The following TSR2 variants were observed in gnomAD, a reference collection of about 807,000 sequenced individuals.
TSR2 encodes the protein TSR2 ribosome maturation factor.
TSR2 carries 1 observed loss-of-function variant against 13.3 expected under a neutral mutation model. The ratio of observed to expected loss-of-function variants is 0.08; its 90% CI spans 0.03 to 0.36. TSR2 has a LOEUF of 0.36. TSR2 is among the 10% of genes least tolerant of loss of function. The probability of loss-of-function intolerance (pLI) is 0.99; values close to 1 mark genes in which losing one functional copy is unlikely to be tolerated. For synonymous variants in TSR2, 60 were observed against 57.7 expected (o/e 1.04, Z -0.18); for missense variants, 120 against 151.1 (o/e 0.79, Z 1.08).
chrX:54,446,474 G>C lies in TSR2; in HGVS notation c.*1924G>C. On this transcript the variant is annotated 3_prime_UTR_variant, in exon 5 of 5. Transcript: ENST00000375151. Reference sequence around the variant, plus strand: ...GGGGCTAGACCTTTCCCCCGCCCCAGCTTCTAACTGGTTTTGCATATGCTC... The same window carrying C: ...GGGGCTAGACCTTTCCCCCGCCCCACCTTCTAACTGGTTTTGCATATGCTC... The C allele has an allele frequency of 9.2e-7, 1 of 1,084,300 alleles. No individual in the cohort carries two copies. The allele number at this position is 1,084,300 out of a possible 1,213,427, so 89.4% of individuals were successfully genotyped here.
At chrX:54,444,322 C>A (rs1010557816) in intron 4 of TSR2, 94 bp from the exon 5 acceptor site, 2 of 1,143,796 alleles carry the variant, frequency 1.7e-6, no homozygotes, top group Non-Finnish European at 2.3e-6. Context: ...AGGGAACTTT[C>A]CTAAAGTTAC....
intron 1 of TSR2, 46 bp downstream of exon 1, chrX:54,440,548 G>A (rs1921888625): frequency 3.5e-6 from 4 of 1,139,610 alleles, no homozygotes; most frequent in Non-Finnish European, 4.7e-6. Context: ...AGGGCCCGGG[G>A]CAGAACAGGA....
chrX:54,446,375 C>T lies in TSR2; in HGVS notation c.*1825C>T, dbSNP rs1277082142. The T allele has an allele frequency of 3.3e-6, 4 of 1,209,443 alleles. No individual in the cohort carries two copies. The highest frequency in any genetic ancestry group is 2.2e-5 in the Admixed American group (1 of 45,774). ...TCCCCTGCCTCGGGCGGTCCCACCT[C>T]GAAGCCAATGAGGGGCAGGCTGCGC... On this transcript the variant is annotated 3_prime_UTR_variant, in exon 5 of 5. Coordinates refer to ENST00000375151, the MANE Select transcript of TSR2 (RefSeq NM_058163.3).
At position 54,442,263 on chromosome X, in the gene TSR2, A is replaced by G. The variant is rs189839327; in HGVS notation, c.173-1137A>G. On this transcript the variant is annotated intron_variant, in intron 2 of 4. Coordinates refer to ENST00000375151, the MANE Select transcript of TSR2 (RefSeq NM_058163.3). Reference sequence around the variant, plus strand: ...AAACTGATGAGGCCTGAAGTAGGACAGTGGCAACAGGCATGGAAAAGAAGG... The same window carrying G: ...AAACTGATGAGGCCTGAAGTAGGACGGTGGCAACAGGCATGGAAAAGAAGG... Among the ~76,000 whole-genome samples the G allele has an allele frequency of 6.5e-4, 73 of 111,616 alleles. 1 individual carries two copies. In the East Asian group the frequency reaches 0.016, roughly 25 times the overall value.
intron 2 of TSR2, among the ~76,000 whole-genome samples, chrX:54,442,377 T>TGTCTTTTCTC (rs778515377): frequency 1.8e-5 from 2 of 110,885 alleles, no homozygotes; most frequent in Admixed American, 9.7e-5. Context: ...GTGGATTAGG[T>TGTCTTTTCTC]GTCTTTTCTC....
intron 3 of TSR2, 150 bp downstream of exon 3, chrX:54,443,641 A>T: frequency 2.2e-6 from 1 of 464,909 alleles, no homozygotes; most frequent in Non-Finnish European, 3.5e-6. Context: ...CTTTATTTCT[A>T]TACATCATTC....
rs1226487472 is a variant in TSR2, at chrX:54,446,721, C to CTTTTTT, written c.*2186_*2191dup. Among the ~76,000 whole-genome samples, 1 of 87,669 alleles carries CTTTTTT rather than the reference C, an allele frequency of 1.1e-5. No homozygotes were observed. The highest frequency in any genetic ancestry group is 4.3e-5 in the African/African-American group (1 of 23,000). 76.1% of individuals were successfully genotyped at this position (87,669 alleles called of 115,157 possible). On this transcript the variant is annotated 3_prime_UTR_variant, in exon 5 of 5. Transcript: ENST00000375151. ...CTATGCTATTGCCCCTATCTGCATA[C>CTTTTTT]TTTTTTTTTTTTTTTTTTTTGAGAC... is the stretch of plus-strand genomic sequence containing the variant.
Position 54,440,692 on chromosome X carries a change from C to A in TSR2, c.84C>A (p.Ile28=). ...AALEAWPALQ[I]AVENGFGGVH... ...TGGGCTTGGACCTGTGTTTACAGATCGCTGTGGAGAATGGCTTCGGGGGTG... is the reference window on the plus strand; with the variant it reads ...TGGGCTTGGACCTGTGTTTACAGATAGCTGTGGAGAATGGCTTCGGGGGTG... Residue 28 remains isoleucine, a splice_region_variant and synonymous_variant, in exon 2 of 5, where the codon ATC becomes ATA. Coordinates refer to ENST00000375151, the MANE Select transcript of TSR2 (RefSeq NM_058163.3). 8.3e-7 allele frequency: 1 copy of A among 1,210,066 alleles called. No homozygotes were observed. The highest frequency in any genetic ancestry group is 1.1e-6 in the Non-Finnish European group (1 of 894,446).
In TSR2 at chrX:54,444,081, C is replaced by A; in HGVS notation, c.338C>A (p.Ser113Tyr). The change falls in exon 4 of 5, where the codon TCC becomes TAC. Residue 113 changes from serine (S) to tyrosine (Y), a missense_variant. Physicochemically the swap from Ser to Tyr is moderately radical, Grantham distance 144. Coordinates refer to ENST00000375151, the MANE Select transcript of TSR2 (RefSeq NM_058163.3). Reference protein sequence around the residue: ...GDGAALREMASCITQRKCKVT... With the variant: ...GDGAALREMAYCITQRKCKVT... ...GGGGCTGCTCTGAGGGAGATGGCCT[C>A]CTGCATCACTCAGAGAAAATGCAAG... is the stretch of plus-strand genomic sequence containing the variant. The A allele has an allele frequency of 8.3e-7, 1 of 1,211,936 alleles. No individual in the cohort carries two copies. Among genetic ancestry groups the A allele is most frequent in the Non-Finnish European group, 1.1e-6 (1 of 895,576 alleles).
In TSR2 at chrX:54,447,521, A is replaced by G. The variant is rs1922252614; in HGVS notation, c.*2971A>G. 1.9e-6 allele frequency: 2 copies of G among 1,075,056 alleles called. No homozygotes were observed. Among genetic ancestry groups the G allele is most frequent in the African/African-American group, 3.7e-5 (2 of 54,376 alleles). The allele number at this position is 1,075,056 out of a possible 1,213,427, so 88.6% of individuals were successfully genotyped here. ...TAGCCTGGCTCCTCCTAGCTTTAAT[A>G]CCTCCTCAGTGTAGGGACTGCTATT... On this transcript the variant is annotated 3_prime_UTR_variant, in exon 5 of 5. Coordinates refer to ENST00000375151, the MANE Select transcript of TSR2 (RefSeq NM_058163.3).
At chrX:54,442,944 A>C (rs999077593) in intron 2 of TSR2, among the ~76,000 whole-genome samples, 5 of 111,456 alleles carry the variant, frequency 4.5e-5, no homozygotes, top group African/African-American at 1.3e-4. Context: ...ACCTTTGAGG[A>C]GGCCACCATT....
At position 54,445,417 on chromosome X, in the gene TSR2, A is replaced by C. The variant is rs780765422; in HGVS notation, c.*867A>C. ...GCAGCCTGGTACTTTGGACAACCAAACAGATGAACGAACGGAGCACAGCAG... is the reference window on the plus strand; with the variant it reads ...GCAGCCTGGTACTTTGGACAACCAACCAGATGAACGAACGGAGCACAGCAG... On this transcript the variant is annotated 3_prime_UTR_variant, in exon 5 of 5. Coordinates refer to ENST00000375151, the MANE Select transcript of TSR2 (RefSeq NM_058163.3). 4 of 110,921 alleles carry C rather than the reference A, an allele frequency of 3.6e-5. No individual in the cohort carries two copies. The Admixed American group carries it at 3.9e-4, about 11-fold the overall frequency. 9.1% of individuals were successfully genotyped at this position (110,921 alleles called of 1,213,427 possible).
chrX:54,444,713 G>A lies in TSR2; in HGVS notation c.*163G>A. The A allele has an allele frequency of 2.0e-6, 1 of 492,138 alleles. No homozygotes were observed. The highest frequency in any genetic ancestry group is 4.1e-5 in the East Asian group (1 of 24,547). The allele number at this position is 492,138 out of a possible 1,213,427, so 40.6% of individuals were successfully genotyped here. Reference sequence around the variant, plus strand: ...CCCTCCAGGGCAAGGAAAACCTAGGGTCCTTGGTCTTGGGGGTGGGGGGAC... The same window carrying A: ...CCCTCCAGGGCAAGGAAAACCTAGGATCCTTGGTCTTGGGGGTGGGGGGAC... On this transcript the variant is annotated 3_prime_UTR_variant, in exon 5 of 5. Transcript: ENST00000375151.
Position 54,447,523 on chromosome X carries a change from C to T in TSR2, c.*2973C>T, listed in dbSNP as rs751971789. 3.1e-5 allele frequency: 33 copies of T among 1,074,653 alleles called. No individual in the cohort carries two copies. In the South Asian group the frequency reaches 6.1e-4, roughly 20 times the overall value. The allele number at this position is 1,074,653 out of a possible 1,213,427, so 88.6% of individuals were successfully genotyped here. On this transcript the variant is annotated 3_prime_UTR_variant, in exon 5 of 5. Transcript: ENST00000375151. ...GCCTGGCTCCTCCTAGCTTTAATAC[C>T]TCCTCAGTGTAGGGACTGCTATTCC...
At chrX:54,442,242 T>TCATCA (rs1412303497) in intron 2 of TSR2, among the ~76,000 whole-genome samples, 8 of 111,103 alleles carry the variant, frequency 7.2e-5, no homozygotes, top group African/African-American at 2.3e-4. Flanking sequence ...GTCTAGAAAC[T>TCATCA]GATGAGGCCT....
At position 54,447,214 on chromosome X, in the gene TSR2, C is replaced by T; in HGVS notation, c.*2664C>T. The T allele has an allele frequency of 6.1e-6, 6 of 984,288 alleles. No individual in the cohort carries two copies. In the South Asian group the frequency reaches 1.2e-4, roughly 20 times the overall value. The allele number at this position is 984,288 out of a possible 1,213,427, so 81.1% of individuals were successfully genotyped here. On this transcript the variant is annotated 3_prime_UTR_variant, in exon 5 of 5. Coordinates refer to ENST00000375151, the MANE Select transcript of TSR2 (RefSeq NM_058163.3). ...CTTAGAGATAGGCTCACCTTATCTT[C>T]CAAGGCTCACCTTATCTTCCAAGGC...
At chrX:54,442,387 C>T (rs73212515) in intron 2 of TSR2, among the ~76,000 whole-genome samples, 1,638 of 110,937 alleles carry the variant, frequency 0.015, 14 homozygotes, top group Non-Finnish European at 0.024. Context: ...TGTCTTTTCT[C>T]GGAGTAGAGG....
At position 54,447,165 on chromosome X, in the gene TSR2, C is replaced by A; in HGVS notation, c.*2615C>A. On this transcript the variant is annotated 3_prime_UTR_variant, in exon 5 of 5. Coordinates refer to ENST00000375151, the MANE Select transcript of TSR2 (RefSeq NM_058163.3). The stretch of plus-strand genomic sequence containing the variant: ...TTGTCTCTAGCCAGTCTTTGTCTCT[C>A]AAGGGTTGGGGTTCTGATTTCCTCT... The A allele has an allele frequency of 1.6e-6, 1 of 635,114 alleles. No homozygotes were observed. 52.3% of individuals were successfully genotyped at this position (635,114 alleles called of 1,213,427 possible).
At chrX:54,442,185 A>G (rs912233834) in intron 2 of TSR2, among the ~76,000 whole-genome samples, 4 of 111,889 alleles carry the variant, frequency 3.6e-5, no homozygotes, top group African/African-American at 1.3e-4. Context: ...AATAATCAGT[A>G]TGAAGCATAA....
Sources: gnomAD v4.1 joint callset for allele counts (sites outside exome capture counted in the v4.1 genomes callset) on GRCh38, gnomAD v4.1.1 for gene constraint, MANE v1.5 for transcripts, NCBI Gene and HGNC (gene_info 2026-07-23, HGNC 2026-07-21) for gene names.